Variants in ASIC2 observed in about 807,000 individuals in gnomAD.
ASIC2 encodes acid-sensing ion channel 2.
A neutral mutation model predicts 57.3 loss-of-function variants in ASIC2; 25 were observed. The ratio of observed to expected loss-of-function variants is 0.44; its 90% CI spans 0.32 to 0.61. The LOEUF (loss-of-function observed/expected upper bound fraction) is 0.61. Ranked by LOEUF, ASIC2 falls within the 20% of genes least tolerant of loss-of-function variation. The probability of loss-of-function intolerance (pLI) is 0.06; values close to 1 mark genes in which losing one functional copy is unlikely to be tolerated. For synonymous variants in ASIC2, 319 were observed against 307.5 expected, an observed-to-expected ratio of 1.04 and a Z score of -0.39; for missense variants, 641 against 738.1, an observed-to-expected ratio of 0.87 and a Z score of 1.52.
At chr17:33,970,049 G>C (rs1156931580) in intron 1 of ASIC2, among the ~76,000 whole-genome samples, 2 of 152,090 alleles carry the variant, frequency 1.3e-5, no homozygotes, top group African/African-American at 4.8e-5. Context: ...CTATTTCCTC[G>C]GCAGTTCTGA....
At chr17:33,784,416 A>G (rs1911546746) in intron 1 of ASIC2, among the ~76,000 whole-genome samples, 1 of 152,176 alleles carries the variant, frequency 6.6e-6, no homozygotes, top group East Asian at 1.9e-4. Context: ...GTGATGGTGA[A>G]CCAAGCTTCA....
At chr17:33,363,699 TGAG>T (rs1348166282) in intron 1 of ASIC2, among the ~76,000 whole-genome samples, 1 of 152,176 alleles carries the variant, frequency 6.6e-6, no homozygotes. Flanking sequence ...TGTTGGGAAA[TGAG>T]GAGAATCCAG....
chr17:34,052,225 C>T (rs2142054358), intron 1 of ASIC2, among the ~76,000 whole-genome samples: 1 of 152,280 alleles, frequency 6.6e-6, no homozygotes, highest in East Asian at 1.9e-4. Flanking sequence ...ACCACTGATC[C>T]TTCCAGACCT....
intron 1 of ASIC2, among the ~76,000 whole-genome samples, chr17:33,160,941 G>A (rs968043636): frequency 4.6e-5 from 7 of 152,178 alleles, no homozygotes; most frequent in African/African-American, 1.7e-4. Flanking sequence ...TGAAACTGAA[G>A]CTAGTAAATT....
chr17:33,593,923 A>G (rs1339853027), intron 1 of ASIC2, among the ~76,000 whole-genome samples: 2 of 152,170 alleles, frequency 1.3e-5, no homozygotes, highest in African/African-American at 4.8e-5. Flanking sequence ...TAATAAATCA[A>G]TATTCAGGGA....
chr17:34,109,932 GTGTGTGTGTGTT>G (rs1469706137), intron 1 of ASIC2, among the ~76,000 whole-genome samples: 1 of 151,762 alleles, frequency 6.6e-6, no homozygotes, highest in African/African-American at 2.4e-5. Flanking sequence ...GTATATGCGT[GTGTGTGTGTGTT>G]TGTGTGTGTG....
chr17:33,310,210 T>C (rs1198012153), intron 1 of ASIC2, among the ~76,000 whole-genome samples: 1 of 151,944 alleles, frequency 6.6e-6, no homozygotes, highest in African/African-American at 2.4e-5. Flanking sequence ...TTGACATTTA[T>C]GCTTGGGGGC....
At chr17:33,767,798 AT>A (rs1418966563) in intron 1 of ASIC2, among the ~76,000 whole-genome samples, 1 of 152,198 alleles carries the variant, frequency 6.6e-6, no homozygotes, top group East Asian at 1.9e-4. Flanking sequence ...TAGAATATTT[AT>A]TCTGAAAACT....
At position 34,030,830 on chromosome 17, in the gene ASIC2, T is replaced by G. The variant is rs1907579026; in HGVS notation, c.555+125148A>C. Among the ~76,000 whole-genome samples the G allele has an allele frequency of 1.3e-5, 2 of 152,088 alleles. 1 individual carries two copies. On this transcript the variant is annotated intron_variant, in intron 1 of 9. Coordinates refer to the ASIC2 transcript ENST00000359872. ...GGGAGGGGCACCCGCAATTGCCCAG[T>G]TAGTTGTTTGATTAGGTAAACAAAG... is the stretch of plus-strand genomic sequence containing the variant.
chr17:33,644,344 C>T (rs1906676900), intron 1 of ASIC2, among the ~76,000 whole-genome samples: 1 of 152,218 alleles, frequency 6.6e-6, no homozygotes, highest in South Asian at 2.1e-4. Context: ...ATCAGCTCTA[C>T]ACAGTTTCAC....
At chr17:33,622,233 G>A (rs944250146) in intron 1 of ASIC2, among the ~76,000 whole-genome samples, 1 of 152,104 alleles carries the variant, frequency 6.6e-6, no homozygotes, top group Non-Finnish European at 1.5e-5. Flanking sequence ...GCTTTGTGGA[G>A]CAGTTGACAT....
At chr17:34,014,821 A>G (rs1489190361) in intron 1 of ASIC2, among the ~76,000 whole-genome samples, 2 of 152,046 alleles carry the variant, frequency 1.3e-5, no homozygotes, top group African/African-American at 4.8e-5. Context: ...TGTGTTAGGT[A>G]CTCACTCACA....
rs557815680 is a variant in ASIC2 at position 33,048,726 on chromosome 17, C to T, written c.988-20334G>A. 9.9e-5 allele frequency among the ~76,000 whole-genome samples: 15 copies of T among 152,264 alleles called. No individual in the cohort carries two copies. The South Asian group carries it at 2.9e-3, about 29-fold the overall frequency. ...CTAGCACTCCCTGGATGGGAGTTCT[C>T]CCTGGGTCCTGTGGGCCCATCCCAG... is the stretch of plus-strand genomic sequence containing the variant. On this transcript the variant is annotated intron_variant, in intron 3 of 9. Transcript: ENST00000225823.
intron 1 of ASIC2, among the ~76,000 whole-genome samples, chr17:33,223,555 AT>A (rs1907764530): frequency 6.6e-6 from 1 of 152,234 alleles, no homozygotes; most frequent in South Asian, 2.1e-4. Context: ...GCATCCAAAC[AT>A]TTGAGGTTAT....
intron 1 of ASIC2, among the ~76,000 whole-genome samples, chr17:33,442,661 G>T (rs1419272895): frequency 2.0e-5 from 3 of 150,788 alleles, no homozygotes; most frequent in South Asian, 2.1e-4. Flanking sequence ...TAGTTTCTGG[G>T]TTTTTTTTTC....
intron 1 of ASIC2, among the ~76,000 whole-genome samples, chr17:33,738,645 C>A (rs1248043435): frequency 6.6e-6 from 1 of 152,164 alleles, no homozygotes; most frequent in Admixed American, 6.5e-5. Flanking sequence ...CTACTATCCC[C>A]ACATCTACCA....
At chr17:33,116,109 C>T (rs557818039) in intron 1 of ASIC2, among the ~76,000 whole-genome samples, 1 of 152,320 alleles carries the variant, frequency 6.6e-6, no homozygotes, top group Admixed American at 6.5e-5. Flanking sequence ...TGACTGGGGA[C>T]AGTTTACCTT....
intron 1 of ASIC2, among the ~76,000 whole-genome samples, chr17:33,160,071 T>A (rs994187195): frequency 1.3e-5 from 2 of 151,950 alleles, no homozygotes; most frequent in African/African-American, 2.4e-5. Context: ...TAGCCAGGCA[T>A]GGTGGTGCAC....
chr17:33,398,657 C>T (rs933480541), intron 1 of ASIC2, among the ~76,000 whole-genome samples: 1 of 151,990 alleles, frequency 6.6e-6, no homozygotes, highest in African/African-American at 2.4e-5. Flanking sequence ...AATGAACTCC[C>T]TCACCCTTGA....
Sources: allele counts gnomAD v4.1 joint callset (sites outside exome capture counted in the v4.1 genomes callset), GRCh38; gene constraint gnomAD v4.1.1; transcripts MANE v1.5; gene names NCBI Gene and HGNC (gene_info 2026-07-23, HGNC 2026-07-21).